ATG7: variants seen among roughly 807,000 people sequenced by gnomAD.
ATG7 encodes ubiquitin-like modifier-activating enzyme ATG7.
ATG7 carries 70 observed loss-of-function variants against 82.4 expected under a neutral mutation model. That is an observed-to-expected ratio of 0.85 (90% CI 0.70 to 1.04). ATG7 has a LOEUF of 1.04. Ranked by LOEUF, ATG7 falls within the 50% of genes least tolerant of loss-of-function variation. ATG7 has a pLI of 0.00. For synonymous variants in ATG7, 287 were observed against 313.0 expected (o/e 0.92, Z 0.88); for missense variants, 792 against 864.3 (o/e 0.92, Z 1.05).
chr3:11,424,022 C>A (rs2082157854), intron 19 of ATG7, among the ~76,000 whole-genome samples: 1 of 152,186 alleles, frequency 6.6e-6, no homozygotes, highest in Non-Finnish European at 1.5e-5. Flanking sequence ...TCTTCTCAAG[C>A]CCCATAGTCT....
rs1173453094 is a variant in ATG7, at chr3:11,395,962, AAAAG to A, written c.1956+15911_1956+15914del. Among the ~76,000 whole-genome samples, 2 of 121,930 alleles carry A rather than the reference AAAAG, an allele frequency of 1.6e-5. 1 individual carries two copies. The highest frequency in any genetic ancestry group is 3.3e-5 in the Non-Finnish European group (2 of 60,408). 80.0% of individuals were successfully genotyped at this position (121,930 alleles called of 152,430 possible). A position where few individuals can be genotyped will look rare whatever the true frequency, so the allele number is the denominator to read the frequency against. On this transcript the variant is annotated intron_variant, in intron 19 of 20. Coordinates refer to ENST00000693202, the MANE Select transcript of ATG7 (RefSeq NM_001349232.2). The stretch of plus-strand genomic sequence containing the variant: ...CTCAAAAAAAAAAAAAAAAAAAAAA[AAAAG>A]GTAGGGGGGGAAGAGTAAAAGTGAA...
chr3:11,483,422 C>T (rs1295450484), intron 20 of ATG7, among the ~76,000 whole-genome samples: 3 of 152,182 alleles, frequency 2.0e-5, no homozygotes, highest in Non-Finnish European at 4.4e-5. Context: ...TTTCCTTTTT[C>T]TGTCAAAGTA....
chr3:11,508,473 GAGAC>G (rs2091868729), intron 20 of ATG7, among the ~76,000 whole-genome samples: 1 of 152,156 alleles, frequency 6.6e-6, no homozygotes, highest in Non-Finnish European at 1.5e-5. Flanking sequence ...TTTTAAATAA[GAGAC>G]AGAGTCTTGC....
At chr3:11,477,723 T>C (rs545865232) in intron 20 of ATG7, among the ~76,000 whole-genome samples, 26 of 152,300 alleles carry the variant, frequency 1.7e-4, no homozygotes, top group Admixed American at 1.6e-3. Context: ...CTGGAACTAC[T>C]CATAGGATTA....
chr3:11,406,657 A>T (rs1039847017), intron 19 of ATG7, among the ~76,000 whole-genome samples: 2 of 152,306 alleles, frequency 1.3e-5, no homozygotes, highest in Admixed American at 1.3e-4. Context: ...ACAGTTCCAC[A>T]TGGCTGGGGA....
intron 20 of ATG7, among the ~76,000 whole-genome samples, chr3:11,490,674 C>CA (rs2090253495): frequency 6.6e-6 from 1 of 152,092 alleles, no homozygotes; most frequent in Non-Finnish European, 1.5e-5. Context: ...CTGGTGGTGA[C>CA]AAAATCTCTC....
At chr3:11,491,141 T>A (rs1044585632) in intron 20 of ATG7, among the ~76,000 whole-genome samples, 72 of 152,220 alleles carry the variant, frequency 4.7e-4, no homozygotes, top group Non-Finnish European at 1.2e-4. Context: ...TTTCACATAG[T>A]CCCATATTTC....
At chr3:11,410,638 A>T (rs1259801073) in intron 19 of ATG7, among the ~76,000 whole-genome samples, 1 of 152,200 alleles carries the variant, frequency 6.6e-6, no homozygotes, top group Admixed American at 6.5e-5. Flanking sequence ...TAAGTCCCTC[A>T]TAAGTAGAGT....
chr3:11,472,747 C>T (rs1222766100), intron 20 of ATG7, among the ~76,000 whole-genome samples: 4 of 152,094 alleles, frequency 2.6e-5, no homozygotes, highest in Non-Finnish European at 4.4e-5. Context: ...GAAAATGGTT[C>T]AACTGCTGTC....
chr3:11,565,601 G>A, the ATG7 span, among the ~76,000 whole-genome samples: 1 of 152,334 alleles, frequency 6.6e-6, no homozygotes, highest in South Asian at 2.1e-4. The surrounding 1 kb of genome is among the most constrained non-coding windows in gnomAD (Gnocchi z 4.1). Flanking sequence ...CTGACATGTG[G>A]TGGCACGTGC....
chr3:11,315,548 T>A, intron 9 of ATG7, 55 bp downstream of exon 9: 1 of 1,436,894 alleles, frequency 7.0e-7, no homozygotes, highest in Non-Finnish European at 9.3e-7. Context: ...AAATCTGAAG[T>A]TCATGTTACA....
At chr3:11,305,839 C>T (rs1575316090) in intron 5 of ATG7, among the ~76,000 whole-genome samples, 1 of 152,202 alleles carries the variant, frequency 6.6e-6, no homozygotes, top group East Asian at 1.9e-4. Flanking sequence ...TCTACTCTTT[C>T]AGCCCCATAA....
At chr3:11,421,694 C>G (rs939449009) in intron 19 of ATG7, among the ~76,000 whole-genome samples, 2 of 152,162 alleles carry the variant, frequency 1.3e-5, no homozygotes, top group African/African-American at 4.8e-5. Flanking sequence ...ATGGTGAATC[C>G]TTTCCAGAAG....
intron 20 of ATG7, among the ~76,000 whole-genome samples, chr3:11,436,547 G>A (rs2083386322): frequency 1.3e-5 from 2 of 152,206 alleles, no homozygotes; most frequent in East Asian, 1.9e-4. Context: ...AATTGTATAT[G>A]TGTGTGTGTG....
chr3:11,451,812 A>C (rs2085176972), intron 20 of ATG7, among the ~76,000 whole-genome samples: 1 of 149,668 alleles, frequency 6.7e-6, no homozygotes, highest in Admixed American at 6.7e-5. Flanking sequence ...AATTAAAAAA[A>C]CCCCAGGCTG....
chr3:11,545,061 TTTC>T (rs1033211162), intron 20 of ATG7, among the ~76,000 whole-genome samples: 1 of 152,052 alleles, frequency 6.6e-6, no homozygotes, highest in African/African-American at 2.4e-5. Flanking sequence ...GGAGAGGAGC[TTTC>T]TAAGCCAAAG....
chr3:11,402,260 G>A (rs528437451), intron 19 of ATG7, among the ~76,000 whole-genome samples: 6 of 152,146 alleles, frequency 3.9e-5, no homozygotes, highest in African/African-American at 1.4e-4. Flanking sequence ...GGTGAAACCC[G>A]GTTTCTACTA....
intron 9 of ATG7, 71 bp downstream of exon 9, chr3:11,315,564 C>A (rs1949283442): frequency 3.0e-6 from 4 of 1,321,922 alleles, no homozygotes. Flanking sequence ...TTACAAGAGA[C>A]CACTGCAAAA....
intron 11 of ATG7, among the ~76,000 whole-genome samples, chr3:11,335,577 C>A (rs569215653): frequency 6.6e-6 from 1 of 152,312 alleles, no homozygotes; most frequent in South Asian, 2.1e-4. Context: ...ATGGGGTAAT[C>A]ACTTAATTCT....
Sources: allele counts gnomAD v4.1 joint callset (sites outside exome capture counted in the v4.1 genomes callset), GRCh38; gene constraint gnomAD v4.1.1; non-coding constraint Gnocchi (gnomAD v3.1); transcripts MANE v1.5; gene names NCBI Gene and HGNC (gene_info 2026-07-23, HGNC 2026-07-21).